The following RIT2 variants were observed in gnomAD, a reference collection of about 807,000 sequenced individuals.
RIT2 encodes the protein GTP-binding protein Rit2.
Under a neutral mutation model 23.7 loss-of-function variants are expected in RIT2, and 24 were observed. The ratio of observed to expected loss-of-function variants is 1.01; its 90% CI spans 0.73 to 1.43. RIT2 has a LOEUF of 1.43. Ranked by LOEUF, RIT2 falls within the 40% of genes most tolerant of loss-of-function variation. The pLI, the probability that RIT2 is intolerant of heterozygous loss-of-function variation, is 0.00. For synonymous variants in RIT2, 107 were observed against 91.1 expected (o/e 1.17, Z -0.99); for missense variants, 236 against 266.9 (o/e 0.88, Z 0.81).
At chr18:42,811,435 A>G (rs919695278) in intron 4 of RIT2, among the ~76,000 whole-genome samples, 1 of 152,096 alleles carries the variant, frequency 6.6e-6, no homozygotes. Context: ...CAAATGACCA[A>G]GATGAGACAG....
chr18:42,749,333 T>C (rs1912991517), intron 4 of RIT2, among the ~76,000 whole-genome samples: 1 of 151,936 alleles, frequency 6.6e-6, no homozygotes, highest in Non-Finnish European at 1.5e-5. Context: ...TTATTCATAA[T>C]GATGCTTATA....
chr18:42,755,687 C>T (rs1913145334), intron 4 of RIT2, among the ~76,000 whole-genome samples: 1 of 152,176 alleles, frequency 6.6e-6, no homozygotes, highest in Admixed American at 6.6e-5. Context: ...AGCAAAGTGA[C>T]TGGCACTTAA....
chr18:42,746,639 T>G (rs557795641), intron 4 of RIT2, among the ~76,000 whole-genome samples: 14 of 152,064 alleles, frequency 9.2e-5, no homozygotes, highest in African/African-American at 3.1e-4. Context: ...GATATTTTAA[T>G]GTGTCTCTCT....
intron 4 of RIT2, among the ~76,000 whole-genome samples, chr18:42,853,246 A>C (rs1907102610): frequency 6.6e-6 from 1 of 152,206 alleles, no homozygotes; most frequent in African/African-American, 2.4e-5. Flanking sequence ...AAGTAGATCT[A>C]TCTGCTAAGT....
intron 4 of RIT2, among the ~76,000 whole-genome samples, chr18:42,800,752 C>G (rs1480493953): frequency 1.3e-5 from 2 of 151,946 alleles, no homozygotes; most frequent in African/African-American, 2.4e-5. Context: ...AGGATGGTCT[C>G]GATCTCCTGA....
chr18:42,814,917 G>T (rs764067789), intron 4 of RIT2, among the ~76,000 whole-genome samples: 16 of 152,150 alleles, frequency 1.1e-4, no homozygotes, highest in Admixed American at 2.0e-4. Flanking sequence ...ATCCAGAAGA[G>T]AGATAATGAT....
chr18:42,823,921 G>A (rs1906223934), intron 4 of RIT2, among the ~76,000 whole-genome samples: 1 of 152,066 alleles, frequency 6.6e-6, no homozygotes, highest in African/African-American at 2.4e-5. Flanking sequence ...GAACAAGCAT[G>A]TGTTCAACCT....
At chr18:42,845,398 T>C (rs1212939443) in intron 4 of RIT2, among the ~76,000 whole-genome samples, 1 of 150,856 alleles carries the variant, frequency 6.6e-6, no homozygotes, top group Non-Finnish European at 1.5e-5. Context: ...TGTTCTTATA[T>C]ATGTATAAAT....
chr18:42,908,548 C>T (rs1908683707), intron 4 of RIT2, among the ~76,000 whole-genome samples: 1 of 152,098 alleles, frequency 6.6e-6, no homozygotes, highest in Non-Finnish European at 1.5e-5. Flanking sequence ...ACAGAGAAAA[C>T]TGCTGCATTT....
chr18:42,840,655 C>A lies in RIT2; in HGVS notation c.426+82917G>T, dbSNP rs919930492. ...TAGCTGGGATTACAGTCATGTGACACCATGCCTGGCTAATTTTGTATTTTT... is the reference window on the plus strand; with the variant it reads ...TAGCTGGGATTACAGTCATGTGACAACATGCCTGGCTAATTTTGTATTTTT... On this transcript the variant is annotated intron_variant, in intron 4 of 4. Coordinates refer to ENST00000326695, the MANE Select transcript of RIT2 (RefSeq NM_002930.4). 1.1e-4 allele frequency among the ~76,000 whole-genome samples: 16 copies of A among 152,254 alleles called. No individual in the cohort carries two copies. In the East Asian group the frequency reaches 3.1e-3, roughly 29 times the overall value.
At chr18:42,821,403 C>G (rs186949636) in intron 4 of RIT2, among the ~76,000 whole-genome samples, 33 of 152,196 alleles carry the variant, frequency 2.2e-4, no homozygotes, top group African/African-American at 7.7e-4. Context: ...ATAGAGTAGA[C>G]AGTTCATGCT....
At chr18:43,063,372 C>A (rs1405701120) in intron 1 of RIT2, among the ~76,000 whole-genome samples, 2 of 152,084 alleles carry the variant, frequency 1.3e-5, no homozygotes, top group Non-Finnish European at 2.9e-5. Context: ...CCATTGGTGA[C>A]CTTTGGGGCT....
intron 4 of RIT2, among the ~76,000 whole-genome samples, chr18:42,920,973 C>G (rs1337538969): frequency 6.6e-6 from 1 of 151,790 alleles, no homozygotes; most frequent in African/African-American, 2.4e-5. Context: ...AAACAGAAAC[C>G]TAACCTTTCA....
intron 3 of RIT2, among the ~76,000 whole-genome samples, chr18:42,938,376 G>C (rs532197100): frequency 2.0e-5 from 3 of 152,260 alleles, no homozygotes; most frequent in South Asian, 4.1e-4. Context: ...CTTGGATGAA[G>C]AAGAAAGAGC....
intron 4 of RIT2, among the ~76,000 whole-genome samples, chr18:42,894,449 C>T (rs1220396175): frequency 6.6e-6 from 1 of 152,008 alleles, no homozygotes; most frequent in Non-Finnish European, 1.5e-5. Context: ...AATGAAAGAG[C>T]AATGTATTTA....
chr18:43,086,766 C>T (rs1009303940), intron 1 of RIT2, among the ~76,000 whole-genome samples: 3 of 152,162 alleles, frequency 2.0e-5, no homozygotes, highest in Non-Finnish European at 4.4e-5. Context: ...ATGAAAAGAT[C>T]ATGCTCTATC....
chr18:42,807,791 A>ATGTG (rs10551770), intron 4 of RIT2, among the ~76,000 whole-genome samples: 2,878 of 147,562 alleles, frequency 0.02, 73 homozygotes, highest in African/African-American at 0.061. Context: ...CACAAAGTGA[A>ATGTG]TGTGTGTGTG....
At chr18:42,909,290 G>C (rs114019904) in intron 4 of RIT2, among the ~76,000 whole-genome samples, 3,415 of 152,178 alleles carry the variant, frequency 0.022, 127 homozygotes, top group African/African-American at 0.079. Flanking sequence ...AAAGGCATAA[G>C]AGTGACGTAA....
intron 4 of RIT2, among the ~76,000 whole-genome samples, chr18:42,882,816 C>T (rs889927657): frequency 6.6e-6 from 1 of 152,142 alleles, no homozygotes; most frequent in African/African-American, 2.4e-5. Flanking sequence ...ATTGCTCCTA[C>T]AGACTATGGG....
Sources: allele counts gnomAD v4.1 joint callset (sites outside exome capture counted in the v4.1 genomes callset), GRCh38; gene constraint gnomAD v4.1.1; transcripts MANE v1.5; gene names NCBI Gene and HGNC (gene_info 2026-07-23, HGNC 2026-07-21).